LRP12: variants seen among roughly 807,000 people sequenced by gnomAD.
LRP12 encodes LDL receptor related protein 12.
In LRP12, 14 loss-of-function variants were observed where a neutral mutation model predicts 66.0. The observed-to-expected ratio is 0.21, with a 90% CI of 0.14 to 0.33. LRP12 has a LOEUF of 0.33. LRP12 is among the 10% of genes least tolerant of loss of function. The pLI, the probability that LRP12 is intolerant of heterozygous loss-of-function variation, is 1.00. For missense variants in LRP12, 889 were observed against 1,053.4 expected, an observed-to-expected ratio of 0.84 and a Z score of 2.16; for synonymous variants, 357 against 359.1, an observed-to-expected ratio of 0.99 and a Z score of 0.07.
intron 1 of LRP12, among the ~76,000 whole-genome samples, chr8:104,547,796 A>C (rs1211757171): frequency 7.8e-5 from 10 of 128,534 alleles, no homozygotes; most frequent in East Asian, 4.5e-4. Flanking sequence ...ATATATAATT[A>C]TATATTATAT....
chr8:104,574,298 T>C lies in LRP12; in HGVS notation c.79+14521A>G, dbSNP rs113264423. Among the ~76,000 whole-genome samples, 747 of 152,356 alleles carry C rather than the reference T, an allele frequency of 4.9e-3. 8 individuals are homozygous for C. The highest frequency in any genetic ancestry group is 0.017 in the African/African-American group (708 of 41,594). On this transcript the variant is annotated intron_variant, in intron 1 of 6. Transcript: ENST00000276654. ...ATTACTCAATTTTAATTCCTAATAT[T>C]CTTAAAAACATATATAGCTCCTATA... is the stretch of plus-strand genomic sequence containing the variant.
chr8:104,515,199 A>G (rs1811058454), intron 2 of LRP12, among the ~76,000 whole-genome samples: 4 of 152,178 alleles, frequency 2.6e-5, no homozygotes, highest in Admixed American at 2.6e-4. Context: ...TCCCAGTTTA[A>G]AATACATCAA....
At position 104,497,147 on chromosome 8, in the gene LRP12, C is replaced by A; in HGVS notation, c.1405G>T (p.Val469Leu). The change falls in exon 5 of 7, where the codon GTG becomes TTG. Residue 469 changes from valine (V) to leucine (L), a missense_variant. This residue lies in a region of LRP12 where 800 missense variants were observed against 964.5 expected (regional missense o/e 0.83). Transcript: ENST00000276654. The surrounding 1 kb of genome is among the most constrained non-coding windows in gnomAD (Gnocchi z 4.3). Reference protein sequence around the residue: ...KNNRCVFESWVCDSQDDCGDG... With the variant: ...KNNRCVFESWLCDSQDDCGDG... ...CCACAGTCATCTTGAGAATCACACA[C>A]CCAACTTTCAAACACACAACGATTG... The A allele has an allele frequency of 1.2e-6, 2 of 1,611,686 alleles. No homozygotes were observed. The highest frequency in any genetic ancestry group is 3.3e-5 in the Admixed American group (2 of 59,768).
rs151253423 is a variant in LRP12, at chr8:104,567,050, C to T, written c.79+21769G>A. ...CAGGACAAAAAAAGTGGTAAGAGAGCAGGAAAATTAAAGGTGTTTACAAAT... is the reference window on the plus strand; with the variant it reads ...CAGGACAAAAAAAGTGGTAAGAGAGTAGGAAAATTAAAGGTGTTTACAAAT... On this transcript the variant is annotated intron_variant, in intron 1 of 6. Coordinates refer to ENST00000276654, the MANE Select transcript of LRP12 (RefSeq NM_013437.5). Among the ~76,000 whole-genome samples the T allele has an allele frequency of 2.7e-3, 402 of 150,914 alleles. 1 individual carries two copies. Among genetic ancestry groups the T allele is most frequent in the Admixed American group, 5.2e-3 (79 of 15,186 alleles).
At chr8:104,522,776 A>G (rs1811171311) in intron 2 of LRP12, among the ~76,000 whole-genome samples, 1 of 152,186 alleles carries the variant, frequency 6.6e-6, no homozygotes, top group Non-Finnish European at 1.5e-5. Flanking sequence ...TATAAAGGAA[A>G]GCAAATCTCA....
chr8:104,494,839 A>C (rs937422092), intron 6 of LRP12, among the ~76,000 whole-genome samples: 6 of 152,216 alleles, frequency 3.9e-5, no homozygotes, highest in Non-Finnish European at 8.8e-5. Flanking sequence ...ATAATGCACT[A>C]AATTATCCTA....
At chr8:104,579,413 C>CT (rs1812212851) in intron 1 of LRP12, among the ~76,000 whole-genome samples, 1 of 152,126 alleles carries the variant, frequency 6.6e-6, no homozygotes. Context: ...TAAAACTACG[C>CT]TTACAGAAAT....
chr8:104,554,823 T>A (rs1811780815), intron 1 of LRP12, among the ~76,000 whole-genome samples: 1 of 152,136 alleles, frequency 6.6e-6, no homozygotes, highest in South Asian at 2.1e-4. Flanking sequence ...CACACAGTCA[T>A]CAGGTTATCT....
chr8:104,526,381 C>T (rs1053302593), intron 2 of LRP12, among the ~76,000 whole-genome samples: 1 of 151,514 alleles, frequency 6.6e-6, no homozygotes, highest in African/African-American at 2.4e-5. Context: ...CAAGTCAATC[C>T]TAAGCCAAAA....
chr8:104,509,941 C>T (rs1810967410), intron 2 of LRP12, among the ~76,000 whole-genome samples: 3 of 152,046 alleles, frequency 2.0e-5, no homozygotes, highest in African/African-American at 7.2e-5. Context: ...TGAAGGTATC[C>T]CTCATAGATA....
intron 1 of LRP12, among the ~76,000 whole-genome samples, chr8:104,576,428 A>AGAAGAG (rs1486839818): frequency 1.8e-4 from 27 of 152,210 alleles, no homozygotes; most frequent in African/African-American, 6.3e-4. Context: ...TCTCAGCAGC[A>AGAAGAG]ACTCTACAAG....
rs1429195304 is a variant in LRP12 at position 104,496,971 on chromosome 8, CCTT to C, written c.1578_1580del (p.Arg527del). On this transcript the variant is annotated inframe_deletion and splice_region_variant, in exon 5 of 7. Transcript: ENST00000276654. Reference sequence around the variant, plus strand: ...CCCAATAGTTCTGTCTTGATACTGACCTTCTTTCAAACATTCTCAGAGAATAAA... The same window carrying C: ...CCCAATAGTTCTGTCTTGATACTGACCTTTCAAACATTCTCAGAGAATAAA... 7 of 1,519,500 alleles carry C rather than the reference CCTT, an allele frequency of 4.6e-6. No homozygotes were observed. The highest frequency in any genetic ancestry group is 5.3e-6 in the Non-Finnish European group (6 of 1,134,610). The allele number at this position is 1,519,500 out of a possible 1,614,324, so 94.1% of individuals were successfully genotyped here.
intron 2 of LRP12, among the ~76,000 whole-genome samples, chr8:104,521,940 GCTA>G (rs1214328676): frequency 1.3e-5 from 2 of 151,848 alleles, no homozygotes; most frequent in African/African-American, 4.8e-5. Flanking sequence ...CATTTGACCT[GCTA>G]CTTTTTCATG....
At chr8:104,536,183 G>A (rs1165411115) in intron 1 of LRP12, among the ~76,000 whole-genome samples, 2 of 152,028 alleles carry the variant, frequency 1.3e-5, no homozygotes, top group Non-Finnish European at 2.9e-5. Flanking sequence ...TTTACCTCTT[G>A]TGACCCACTT....
At chr8:104,551,267 G>A (rs1270949475) in intron 1 of LRP12, among the ~76,000 whole-genome samples, 3 of 152,084 alleles carry the variant, frequency 2.0e-5, no homozygotes, top group African/African-American at 7.2e-5. Context: ...GATGAGTTAG[G>A]GGTCCTCCTT....
chr8:104,511,421 G>A (rs4623378), intron 2 of LRP12, among the ~76,000 whole-genome samples: 10,793 of 151,706 alleles, frequency 0.071, 1,085 homozygotes, highest in African/African-American at 0.23. Flanking sequence ...ACTAGCATAG[G>A]ACACTACAGC....
chr8:104,533,480 C>T (rs1416131596), intron 1 of LRP12, among the ~76,000 whole-genome samples: 4 of 152,000 alleles, frequency 2.6e-5, no homozygotes, highest in African/African-American at 9.7e-5. Context: ...AGGCTCATTC[C>T]AGATTATGGA....
At chr8:104,572,335 G>C (rs4461873) in intron 1 of LRP12, among the ~76,000 whole-genome samples, 36,761 of 151,996 alleles carry the variant, frequency 0.24, 4,531 homozygotes, top group Middle Eastern at 0.31. Context: ...TTTAGTGGCA[G>C]CTACATGAAT....
chr8:104,565,117 C>A (rs888981122), intron 1 of LRP12, among the ~76,000 whole-genome samples: 4 of 151,812 alleles, frequency 2.6e-5, no homozygotes, highest in Non-Finnish European at 4.4e-5. Flanking sequence ...TGGATGAAAC[C>A]TTCAGGATAA....
Sources: gnomAD v4.1 joint callset for allele counts (sites outside exome capture counted in the v4.1 genomes callset) on GRCh38, gnomAD v4.1.1 for gene constraint, gnomAD v4.1.1 regional missense constraint, Gnocchi (gnomAD v3.1) non-coding constraint, MANE v1.5 for transcripts, NCBI Gene and HGNC (gene_info 2026-07-23, HGNC 2026-07-21) for gene names.